RNF121: variants seen among roughly 807,000 people sequenced by gnomAD.
The protein encoded by RNF121 is E3 ubiquitin ligase RNF121.
RNF121 carries 21 observed loss-of-function variants against 46.5 expected under a neutral mutation model. That is an observed-to-expected ratio of 0.45 (90% CI 0.32 to 0.65). RNF121 has a LOEUF of 0.65. Among genes scored for constraint, RNF121 ranks in the 30% least tolerant of loss-of-function variants. The pLI is 0.04. For missense variants in RNF121, 346 were observed against 416.0 expected, an observed-to-expected ratio of 0.83 and a Z score of 1.46; for synonymous variants, 139 against 144.7, an observed-to-expected ratio of 0.96 and a Z score of 0.28.
intron 1 of RNF121, among the ~76,000 whole-genome samples, chr11:71,956,370 AAGAATAT>A (rs538472609): frequency 5.1e-4 from 78 of 152,320 alleles, no homozygotes; most frequent in African/African-American, 1.8e-3. Flanking sequence ...CCTAAACTCA[AAGAATAT>A]AGTATTATTC....
At chr11:71,956,411 G>A (rs1953992615) in intron 1 of RNF121, among the ~76,000 whole-genome samples, 1 of 152,134 alleles carries the variant, frequency 6.6e-6, no homozygotes, top group Admixed American at 6.5e-5. Context: ...TTCAACTAGG[G>A]GGACGCTATG....
chr11:71,963,631 G>A (rs1242139127), intron 3 of RNF121, among the ~76,000 whole-genome samples: 2 of 151,952 alleles, frequency 1.3e-5, no homozygotes, highest in Non-Finnish European at 2.9e-5. Context: ...AAAAAAAAGA[G>A]TTTTATAGTC....
At chr11:71,964,132 C>G (rs898242290) in intron 3 of RNF121, among the ~76,000 whole-genome samples, 1 of 152,186 alleles carries the variant, frequency 6.6e-6, no homozygotes, top group Non-Finnish European at 1.5e-5. Context: ...TATTAATCTT[C>G]CAGTACCTGA....
In RNF121 at chr11:71,963,224, T is replaced by TG. The variant is rs367990312; in HGVS notation, c.243+2333_243+2334insG. On this transcript the variant is annotated intron_variant, in intron 3 of 8. Coordinates refer to ENST00000361756, the MANE Select transcript of RNF121 (RefSeq NM_018320.5). ...AGTTTTTAATTTTGATGAAGTTCAG[T>TG]ATATCTATTTTTTAATTTTATTGGT... Among the ~76,000 whole-genome samples, 378 of 152,314 alleles carry TG rather than the reference T, an allele frequency of 2.5e-3. 2 individuals carry two copies. The highest frequency in any genetic ancestry group is 8.6e-3 in the African/African-American group (358 of 41,574).
intron 3 of RNF121, among the ~76,000 whole-genome samples, chr11:71,981,899 A>G (rs1954667316): frequency 6.6e-6 from 1 of 152,224 alleles, no homozygotes; most frequent in Admixed American, 6.5e-5. Context: ...GCCCAGCCGC[A>G]TACTCTAGAT....
intron 1 of RNF121, among the ~76,000 whole-genome samples, chr11:71,945,429 A>G (rs987312344): frequency 2.0e-5 from 3 of 152,212 alleles, no homozygotes; most frequent in African/African-American, 4.8e-5. Context: ...CTTCTGCAAT[A>G]TCATCCCCAC....
chr11:71,936,146 CT>C (rs1953404515), intron 1 of RNF121, among the ~76,000 whole-genome samples: 2 of 152,216 alleles, frequency 1.3e-5, no homozygotes, highest in South Asian at 4.2e-4. Context: ...TAGGCGTAAA[CT>C]GCTGCGCCTG....
intron 8 of RNF121, 98 bp from the exon 9 acceptor site, chr11:71,996,097 A>G (rs765363558): frequency 3.5e-4 from 503 of 1,425,742 alleles, no homozygotes; most frequent in Non-Finnish European, 4.6e-4. Context: ...GCTGTGGAGC[A>G]GCTGGAAAGT....
intron 1 of RNF121, among the ~76,000 whole-genome samples, chr11:71,942,517 C>T (rs1344274103): frequency 6.6e-6 from 1 of 151,932 alleles, no homozygotes; most frequent in East Asian, 1.9e-4. Flanking sequence ...AATCCCAGGA[C>T]TTTGGGAGGC....
intron 3 of RNF121, among the ~76,000 whole-genome samples, chr11:71,974,132 G>A (rs1238970225): frequency 6.6e-6 from 1 of 152,016 alleles, no homozygotes; most frequent in African/African-American, 2.4e-5. Flanking sequence ...TAGTAGAGAC[G>A]GGGTTTCACC....
At chr11:71,981,215 A>AT (rs33992126) in intron 3 of RNF121, among the ~76,000 whole-genome samples, 122,716 of 151,316 alleles carry the variant, frequency 0.81, 51,816 homozygotes, top group Non-Finnish European at 0.94. Flanking sequence ...CACCCGGCTA[A>AT]TTTTTTTTGT....
chr11:71,932,750 CTCTTT>C (rs1168381528), intron 1 of RNF121, among the ~76,000 whole-genome samples: 3 of 152,214 alleles, frequency 2.0e-5, no homozygotes, highest in Admixed American at 2.0e-4. Flanking sequence ...AAGACCCAAA[CTCTTT>C]TCTTTGTGTA....
chr11:71,955,663 G>A (rs558172270), intron 1 of RNF121, among the ~76,000 whole-genome samples: 3 of 152,186 alleles, frequency 2.0e-5, no homozygotes, highest in Non-Finnish European at 2.9e-5. Context: ...TGAGTCCCAC[G>A]TGTCTTGGGA....
At chr11:71,970,299 T>C (rs1465956264) in intron 3 of RNF121, among the ~76,000 whole-genome samples, 1 of 152,140 alleles carries the variant, frequency 6.6e-6, no homozygotes, top group Non-Finnish European at 1.5e-5. Flanking sequence ...CAGATAGTAA[T>C]ACATAACAGT....
intron 1 of RNF121, chr11:71,939,630 TG>T (rs920774524): frequency 6.6e-5 from 10 of 152,282 alleles, no homozygotes; most frequent in African/African-American, 1.9e-4. Context: ...TGAGAAAAAC[TG>T]AGACACAGAA....
intron 3 of RNF121, among the ~76,000 whole-genome samples, chr11:71,967,453 G>A (rs1321041131): frequency 3.4e-5 from 5 of 145,918 alleles, no homozygotes; most frequent in African/African-American, 5.0e-5. Flanking sequence ...GGGTTCAAGC[G>A]ATTCTTCTGC....
At chr11:71,975,247 A>G (rs1954504771) in intron 3 of RNF121, among the ~76,000 whole-genome samples, 1 of 152,240 alleles carries the variant, frequency 6.6e-6, no homozygotes, top group Non-Finnish European at 1.5e-5. Flanking sequence ...TTCACTTTCT[A>G]TGAGAAGGAA....
intron 3 of RNF121, 107 bp from the exon 4 acceptor site, chr11:71,982,654 A>G (rs935914726): frequency 3.9e-6 from 5 of 1,278,814 alleles, no homozygotes; most frequent in Non-Finnish European, 5.3e-6. Flanking sequence ...AAAGTTGTAA[A>G]TACAGGAGAG....
intron 3 of RNF121, among the ~76,000 whole-genome samples, chr11:71,962,575 G>A (rs1954162735): frequency 6.6e-6 from 1 of 152,202 alleles, no homozygotes; most frequent in South Asian, 2.1e-4. Flanking sequence ...TACTAGGAAT[G>A]TGCAGTTTAC....
Sources: gnomAD v4.1 joint callset for allele counts (sites outside exome capture counted in the v4.1 genomes callset) on GRCh38, gnomAD v4.1.1 for gene constraint, MANE v1.5 for transcripts, NCBI Gene and HGNC (gene_info 2026-07-23, HGNC 2026-07-21) for gene names.